The following SPOCK3 variants were observed in gnomAD, a reference collection of about 807,000 sequenced individuals.
The protein encoded by SPOCK3 is testican-3.
Under a neutral mutation model 56.6 loss-of-function variants are expected in SPOCK3, and 30 were observed. The observed-to-expected ratio is 0.53, with a 90% CI of 0.40 to 0.72. The LOEUF (loss-of-function observed/expected upper bound fraction) is 0.72, where lower values mean the gene tolerates loss of function less well. Ranked by LOEUF, SPOCK3 falls within the 30% of genes least tolerant of loss-of-function variation. SPOCK3 has a pLI of 0.00. For missense variants in SPOCK3, 527 were observed against 530.0 expected (o/e 0.99, Z 0.06); for synonymous variants, 196 against 183.3 (o/e 1.07, Z -0.56).
chr4:167,103,669 G>T (rs1245457589), intron 2 of SPOCK3, among the ~76,000 whole-genome samples: 1 of 152,158 alleles, frequency 6.6e-6, no homozygotes, highest in Non-Finnish European at 1.5e-5. Context: ...GAAACTCACT[G>T]CTCTGAAGGG....
intron 6 of SPOCK3, among the ~76,000 whole-genome samples, chr4:166,811,427 TG>T (rs1357110598): frequency 2.0e-5 from 3 of 151,868 alleles, no homozygotes; most frequent in Non-Finnish European, 2.9e-5. Context: ...TATAGTTTCA[TG>T]TTTTTTTTCA....
intron 4 of SPOCK3, among the ~76,000 whole-genome samples, chr4:166,964,821 T>C (rs1744534007): frequency 6.6e-6 from 1 of 151,838 alleles, no homozygotes; most frequent in South Asian, 2.1e-4. Flanking sequence ...AAATACATTT[T>C]ATTTTTTTTC....
intron 2 of SPOCK3, among the ~76,000 whole-genome samples, chr4:167,184,960 T>A (rs1474551259): frequency 6.6e-6 from 1 of 152,204 alleles, no homozygotes; most frequent in East Asian, 1.9e-4. Flanking sequence ...GTTGTTTGAA[T>A]ATGTAATGTA....
intron 2 of SPOCK3, among the ~76,000 whole-genome samples, chr4:167,155,370 G>A (rs968097222): frequency 1.1e-4 from 16 of 151,808 alleles, no homozygotes; most frequent in Non-Finnish European, 1.8e-4. Context: ...CACCCGCCTC[G>A]GCCTCCCAAA....
intron 2 of SPOCK3, among the ~76,000 whole-genome samples, chr4:167,219,939 A>C (rs932227346): frequency 6.6e-5 from 10 of 152,272 alleles, no homozygotes; most frequent in Admixed American, 2.0e-4. Context: ...ATATGTAGAC[A>C]ACAAAATATT....
At chr4:166,877,881 A>G (rs548459721) in intron 6 of SPOCK3, among the ~76,000 whole-genome samples, 6 of 152,218 alleles carry the variant, frequency 3.9e-5, no homozygotes, top group Non-Finnish European at 8.8e-5. Context: ...CAAGAAATGC[A>G]CAGAAAAGAT....
intron 4 of SPOCK3, among the ~76,000 whole-genome samples, chr4:166,986,647 A>C (rs1747206414): frequency 6.6e-6 from 1 of 152,076 alleles, no homozygotes; most frequent in Non-Finnish European, 1.5e-5. Context: ...CACCAAGTGA[A>C]GTGGGAAAAC....
intron 6 of SPOCK3, among the ~76,000 whole-genome samples, chr4:166,843,843 T>G (rs1455863208): frequency 2.0e-5 from 3 of 152,302 alleles, no homozygotes; most frequent in Middle Eastern, 3.4e-3. Flanking sequence ...AAAGGTGACA[T>G]GAACAGAGGC....
chr4:166,810,176 C>A (rs1394631547), intron 6 of SPOCK3, among the ~76,000 whole-genome samples: 1 of 152,044 alleles, frequency 6.6e-6, no homozygotes, highest in Non-Finnish European at 1.5e-5. Context: ...TCCTTTATTG[C>A]AGTAAGCCAA....
chr4:166,775,938 G>C (rs977858862), intron 7 of SPOCK3, among the ~76,000 whole-genome samples: 7 of 152,102 alleles, frequency 4.6e-5, no homozygotes, highest in Admixed American at 2.6e-4. Context: ...AGTGACAAGT[G>C]GTACAGCAGG....
rs202164599 is a variant in SPOCK3, at chr4:167,062,524, C to T, written c.203G>A (p.Arg68His). The change falls in exon 3 of 11, where the codon CGC (arginine) becomes CAC (histidine). Residue 68 changes from arginine (R) to histidine (H), a missense_variant. Coordinates refer to ENST00000357545, the MANE Select transcript of SPOCK3 (RefSeq NM_001040159.2). ...GAAGGGTTTTCCTGGACTCCAAGTGCGGAAATAATCATCCTAAGGGGGAAA... is the reference window on the plus strand; with the variant it reads ...GAAGGGTTTTCCTGGACTCCAAGTGTGGAAATAATCATCCTAAGGGGGAAA... ...WNKFRDDDYF[R>H]TWSPGKPFDQ... is the part of the protein sequence containing the mutation. 6.0e-5 allele frequency: 97 copies of T among 1,605,396 alleles called. No homozygotes were observed. Among genetic ancestry groups the T allele is most frequent in the South Asian group, 1.6e-4 (14 of 90,248 alleles).
At chr4:166,931,105 C>G (rs906990847) in intron 4 of SPOCK3, among the ~76,000 whole-genome samples, 4 of 152,120 alleles carry the variant, frequency 2.6e-5, no homozygotes, top group Non-Finnish European at 5.9e-5. Context: ...CTTCAGCCTC[C>G]CGAGCAGCTG....
At chr4:166,850,182 T>C (rs921401616) in intron 6 of SPOCK3, among the ~76,000 whole-genome samples, 1 of 152,222 alleles carries the variant, frequency 6.6e-6, no homozygotes, top group Non-Finnish European at 1.5e-5. Flanking sequence ...AGCAATTGCA[T>C]CATTTTACAT....
chr4:166,739,168 G>A (rs1318833335), intron 9 of SPOCK3, among the ~76,000 whole-genome samples: 1 of 152,118 alleles, frequency 6.6e-6, no homozygotes, highest in East Asian at 1.9e-4. Context: ...CATTCTAACC[G>A]GTGTGAGATG....
intron 7 of SPOCK3, among the ~76,000 whole-genome samples, chr4:166,770,779 C>T (rs928454156): frequency 6.6e-6 from 1 of 151,744 alleles, no homozygotes; most frequent in African/African-American, 2.4e-5. Context: ...TCTAAGAGAC[C>T]CGTTTTAGAT....
chr4:166,940,825 G>C (rs1374854279), intron 4 of SPOCK3, among the ~76,000 whole-genome samples: 22 of 144,600 alleles, frequency 1.5e-4, no homozygotes, highest in Non-Finnish European at 3.2e-4. Context: ...TAAGCAACTA[G>C]TGCTTACTGG....
At chr4:166,743,150 T>C (rs745959001) in intron 8 of SPOCK3, among the ~76,000 whole-genome samples, 15 of 152,076 alleles carry the variant, frequency 9.9e-5, no homozygotes, top group Non-Finnish European at 2.1e-4. Context: ...GAAAGCAGTT[T>C]AGTGCATTTT....
intron 7 of SPOCK3, among the ~76,000 whole-genome samples, chr4:166,766,437 T>G (rs1057344545): frequency 6.6e-6 from 1 of 152,192 alleles, no homozygotes; most frequent in East Asian, 1.9e-4. Context: ...CTGCCTCTAT[T>G]GAGATAATCA....
chr4:167,061,685 C>A (rs1340790921), intron 3 of SPOCK3, among the ~76,000 whole-genome samples: 1 of 151,932 alleles, frequency 6.6e-6, no homozygotes, highest in African/African-American at 2.4e-5. Context: ...AACACTCTTA[C>A]AAAAACTTCT....
Sources: allele counts gnomAD v4.1 joint callset (sites outside exome capture counted in the v4.1 genomes callset), GRCh38; gene constraint gnomAD v4.1.1; transcripts MANE v1.5; gene names NCBI Gene and HGNC (gene_info 2026-07-23, HGNC 2026-07-21).